ADAMTSL1: variants seen among roughly 807,000 people sequenced by gnomAD.
ADAMTSL1 encodes ADAMTS-like protein 1.
Under a neutral mutation model 201.8 loss-of-function variants are expected in ADAMTSL1, and 126 were observed. The observed-to-expected ratio is 0.62, with a 90% CI of 0.54 to 0.72. The LOEUF (loss-of-function observed/expected upper bound fraction) is 0.72. Ranked by LOEUF, ADAMTSL1 falls within the 30% of genes least tolerant of loss-of-function variation. The probability of loss-of-function intolerance (pLI) is 0.00; values close to 1 mark genes in which losing one functional copy is unlikely to be tolerated. For synonymous variants in ADAMTSL1, 1,121 were observed against 903.4 expected, an observed-to-expected ratio of 1.24 and a Z score of -4.32; for missense variants, 2,679 against 2,277.8, an observed-to-expected ratio of 1.18 and a Z score of -3.59.
intron 2 of ADAMTSL1, among the ~76,000 whole-genome samples, chr9:18,406,108 C>T (rs114025160): frequency 0.019 from 2,900 of 152,254 alleles, 92 homozygotes; most frequent in African/African-American, 0.067. Context: ...GAATTTTCTC[C>T]AAACACATCT....
intron 2 of ADAMTSL1, among the ~76,000 whole-genome samples, chr9:18,219,819 A>T (rs1339707226): frequency 1.3e-5 from 2 of 152,110 alleles, no homozygotes; most frequent in Non-Finnish European, 2.9e-5. Context: ...TTGTTTGCTG[A>T]TGATAGGGAT....
rs570365219 is a variant in ADAMTSL1 at position 18,037,930 on chromosome 9, C to T, written c.88-125932C>T. On this transcript the variant is annotated intron_variant, in intron 1 of 29. Coordinates refer to the ADAMTSL1 transcript ENST00000680146. Reference sequence around the variant, plus strand: ...AGCAGGCTTCAAAATCCTGACTCTACTTTTGGATTTGTCTGGTCTGGTCTG... The same window carrying T: ...AGCAGGCTTCAAAATCCTGACTCTATTTTTGGATTTGTCTGGTCTGGTCTG... Among the ~76,000 whole-genome samples the T allele has an allele frequency of 2.2e-5, 3 of 133,356 alleles. No individual in the cohort carries two copies. In the East Asian group the frequency reaches 5.9e-4, roughly 26 times the overall value. The allele number at this position is 133,356 out of a possible 152,430, so 87.5% of individuals were successfully genotyped here. A position where few individuals can be genotyped will look rare whatever the true frequency, so the allele number is the denominator to read the frequency against.
intron 1 of ADAMTSL1, among the ~76,000 whole-genome samples, chr9:18,131,213 G>C (rs1449899556): frequency 6.6e-6 from 1 of 152,154 alleles, no homozygotes; most frequent in East Asian, 1.9e-4. Flanking sequence ...AGTTATTTAA[G>C]TAAGTTTTGA....
intron 3 of ADAMTSL1, among the ~76,000 whole-genome samples, chr9:18,566,566 C>G (rs1328494026): frequency 6.6e-6 from 1 of 152,114 alleles, no homozygotes; most frequent in African/African-American, 2.4e-5. Context: ...TGAGCAAAGA[C>G]TTGATAAAGG....
intron 2 of ADAMTSL1, among the ~76,000 whole-genome samples, chr9:18,419,726 T>C (rs1364562565): frequency 6.7e-6 from 1 of 149,466 alleles, no homozygotes; most frequent in African/African-American, 2.5e-5. Context: ...ATCTCATTTA[T>C]TTGACTTTTT....
chr9:18,369,359 C>T (rs1049909062), intron 2 of ADAMTSL1, among the ~76,000 whole-genome samples: 3 of 151,868 alleles, frequency 2.0e-5, no homozygotes, highest in Non-Finnish European at 4.4e-5. Flanking sequence ...ATTCAAGTGG[C>T]CAAGAAAATA....
chr9:18,107,054 TTTTA>T (rs2131867051), intron 1 of ADAMTSL1, among the ~76,000 whole-genome samples: 1 of 152,334 alleles, frequency 6.6e-6, no homozygotes, highest in East Asian at 1.9e-4. Context: ...AGTCTTTCAT[TTTTA>T]TTCATCGTTC....
intron 1 of ADAMTSL1, among the ~76,000 whole-genome samples, chr9:18,034,060 C>T (rs1821091333): frequency 6.6e-6 from 1 of 151,984 alleles, no homozygotes; most frequent in African/African-American, 2.4e-5. Flanking sequence ...TTCTATTGTT[C>T]TATGTCTCTC....
chr9:18,427,417 T>A (rs553629796), intron 2 of ADAMTSL1, among the ~76,000 whole-genome samples: 6 of 152,330 alleles, frequency 3.9e-5, no homozygotes, highest in African/African-American at 1.2e-4. Flanking sequence ...GTCATAGAAG[T>A]GTGTTACTAA....
chr9:18,137,370 A>G (rs551422616), intron 1 of ADAMTSL1, among the ~76,000 whole-genome samples: 1 of 152,322 alleles, frequency 6.6e-6, no homozygotes, highest in Admixed American at 6.5e-5. Flanking sequence ...TTCAGGCTAA[A>G]CTGGGACTGG....
chr9:18,365,481 A>G (rs1449161381), intron 2 of ADAMTSL1, among the ~76,000 whole-genome samples: 3 of 152,214 alleles, frequency 2.0e-5, no homozygotes, highest in African/African-American at 4.8e-5. Context: ...GGCTGAAGGA[A>G]GGTACACAGG....
chr9:18,725,173 T>C (rs1326995593), intron 15 of ADAMTSL1, among the ~76,000 whole-genome samples: 3 of 152,200 alleles, frequency 2.0e-5, no homozygotes, highest in Non-Finnish European at 4.4e-5. Flanking sequence ...CCCAAAGTGC[T>C]GGGATTACAG....
At chr9:17,921,309 C>T (rs1386613522) in intron 1 of ADAMTSL1, among the ~76,000 whole-genome samples, 1 of 152,150 alleles carries the variant, frequency 6.6e-6, no homozygotes, top group Non-Finnish European at 1.5e-5. Flanking sequence ...TGAAGCCCTA[C>T]AGGCCACATG....
chr9:18,065,985 CAAAAAAAAAAAAA>C (rs34179730), intron 1 of ADAMTSL1, among the ~76,000 whole-genome samples: 3 of 38,100 alleles, frequency 7.9e-5, no homozygotes, highest in East Asian at 1.1e-3. Flanking sequence ...GACTCCATCT[CAAAAAAAAAAAAA>C]AAAAAAAAAA....
At chr9:18,242,434 T>TC (rs1831107342) in intron 2 of ADAMTSL1, among the ~76,000 whole-genome samples, 1 of 152,148 alleles carries the variant, frequency 6.6e-6, no homozygotes, top group Non-Finnish European at 1.5e-5. Flanking sequence ...GAAAGCTTTT[T>TC]CATTAAGATC....
chr9:18,155,040 TATA>T (rs1263949362), intron 1 of ADAMTSL1, among the ~76,000 whole-genome samples: 1 of 152,042 alleles, frequency 6.6e-6, no homozygotes, highest in East Asian at 1.9e-4. Flanking sequence ...TTACACTACT[TATA>T]ATGCCAAAGC....
intron 23 of ADAMTSL1, among the ~76,000 whole-genome samples, chr9:18,837,699 A>T (rs957678488): frequency 5.9e-5 from 9 of 152,210 alleles, no homozygotes; most frequent in African/African-American, 2.2e-4. Context: ...TAACAGAGCC[A>T]CACCCATTAA....
intron 16 of ADAMTSL1, among the ~76,000 whole-genome samples, chr9:18,754,273 C>CAACTATTTTATCATAATTTCCTATCT (rs1167649311): frequency 1.3e-5 from 2 of 152,194 alleles, no homozygotes; most frequent in African/African-American, 4.8e-5. Context: ...AATAATAACA[C>CAACTATTTTATCATAATTTCCTATCT]AACTATTTTA....
Position 18,668,423 on chromosome 9 carries a change from C to T in ADAMTSL1, c.1085+6350C>T, listed in dbSNP as rs184333542. Among the ~76,000 whole-genome samples, 26 of 152,238 alleles carry T rather than the reference C, an allele frequency of 1.7e-4. No individual in the cohort carries two copies. The East Asian group carries it at 3.3e-3, about 19-fold the overall frequency. On this transcript the variant is annotated intron_variant, in intron 9 of 28. Transcript: ENST00000380548. ...TGGGAAATTCAATTTACTACAAAGCCAGATCATTCCTAATAGTAGTATCAC... is the reference window on the plus strand; with the variant it reads ...TGGGAAATTCAATTTACTACAAAGCTAGATCATTCCTAATAGTAGTATCAC...
Sources: allele counts gnomAD v4.1 joint callset (sites outside exome capture counted in the v4.1 genomes callset), GRCh38; gene constraint gnomAD v4.1.1; transcripts MANE v1.5; gene names NCBI Gene and HGNC (gene_info 2026-07-23, HGNC 2026-07-21).